Variants in IRS2 observed in about 807,000 individuals in gnomAD.
IRS2 encodes the protein insulin receptor substrate 2.
In IRS2, 28 loss-of-function variants were observed where a neutral mutation model predicts 70.9. The observed-to-expected ratio is 0.39, with a 90% CI of 0.29 to 0.54. The LOEUF (loss-of-function observed/expected upper bound fraction) is 0.54, where lower values mean the gene tolerates loss of function less well. Ranked by LOEUF, IRS2 falls within the 20% of genes least tolerant of loss-of-function variation. The pLI, the probability that IRS2 is intolerant of heterozygous loss-of-function variation, is 0.59. For missense variants in IRS2, 2,081 were observed against 2,024.1 expected (o/e 1.03, Z -0.54); for synonymous variants, 1,217 against 981.9 (o/e 1.24, Z -4.48).
At chr13:109,762,894 G>C (rs1877257047) in intron 1 of IRS2, among the ~76,000 whole-genome samples, 1 of 152,198 alleles carries the variant, frequency 6.6e-6, no homozygotes, top group African/African-American at 2.4e-5. Flanking sequence ...GTGAGACCCA[G>C]AAGAAAAGAA....
In IRS2 at chr13:109,784,249, C is replaced by T. The variant is rs1438903340; in HGVS notation, c.1805G>A (p.Arg602Gln). ...SASLDEYTLMRATFSGSAGRL... is the reference protein window; with the variant it reads ...SASLDEYTLMQATFSGSAGRL... ...GCCCGCGCTGCCCGAGAAGGTGGCCCGCATCAGGGTGTATTCATCCAGCGA... is the reference window on the plus strand; with the variant it reads ...GCCCGCGCTGCCCGAGAAGGTGGCCTGCATCAGGGTGTATTCATCCAGCGA... Residue 602 changes from arginine (R) to glutamine (Q), a missense_variant, in exon 1 of 2, where the codon CGG becomes CAG. This residue lies in a region of IRS2 where 1,615 missense variants were observed against 1,459.5 expected (regional missense o/e 1.11). Coordinates refer to ENST00000375856, the MANE Select transcript of IRS2 (RefSeq NM_003749.3). The surrounding 1 kb of genome is among the most constrained non-coding windows in gnomAD (Gnocchi z 5.2). The T allele has an allele frequency of 4.4e-6, 7 of 1,577,968 alleles. No homozygotes were observed. The highest frequency in any genetic ancestry group is 1.7e-5 in the Admixed American group (1 of 57,572).
At chr13:109,766,020 T>A (rs879065675) in intron 1 of IRS2, among the ~76,000 whole-genome samples, 4 of 31,440 alleles carry the variant, frequency 1.3e-4, no homozygotes, top group Non-Finnish European at 2.7e-4. Context: ...CCCAGCCTCA[T>A]CCACCCTGGC....
intron 1 of IRS2, among the ~76,000 whole-genome samples, chr13:109,767,677 G>A (rs1354428399): frequency 2.6e-5 from 4 of 151,236 alleles, no homozygotes; most frequent in Admixed American, 6.6e-5. Flanking sequence ...TCTTCCCAGA[G>A]AGCATCACGC....
intron 1 of IRS2, among the ~76,000 whole-genome samples, chr13:109,762,236 G>A (rs1877243059): frequency 6.6e-6 from 1 of 152,248 alleles, no homozygotes; most frequent in African/African-American, 2.4e-5. Flanking sequence ...TGCCCCTGCA[G>A]CAGCCGCCAA....
intron 1 of IRS2, among the ~76,000 whole-genome samples, chr13:109,767,498 G>C (rs1017581185): frequency 2.6e-5 from 4 of 152,092 alleles, no homozygotes; most frequent in Non-Finnish European, 5.9e-5. Context: ...ACATTTCCTG[G>C]TTTCCCAAGG....
At chr13:109,773,795 G>A (rs949656130) in intron 1 of IRS2, among the ~76,000 whole-genome samples, 3 of 152,174 alleles carry the variant, frequency 2.0e-5, no homozygotes, top group South Asian at 2.1e-4. Flanking sequence ...ATGTTCCAAA[G>A]TAAAAAGACT....
chr13:109,782,280 C>A lies in IRS2; in HGVS notation c.3774G>T (p.Val1258=), dbSNP rs375156708. Residue 1258 remains valine (V), a synonymous_variant, in exon 1 of 2, where the codon GTG becomes GTT. Coordinates refer to ENST00000375856, the MANE Select transcript of IRS2 (RefSeq NM_003749.3). ...QNGLNYIAID[V]REEPGLPPQP... is the part of the protein sequence containing the mutation. ...GGGGTGGCAGCCCGGGCTCCTCCCT[C>A]ACGTCGATGGCGATGTAGTTGAGAC... is the stretch of plus-strand genomic sequence containing the variant. 21 of 1,611,120 alleles carry A rather than the reference C, an allele frequency of 1.3e-5. No individual in the cohort carries two copies. In the African/African-American group the frequency reaches 2.5e-4, roughly 19 times the overall value.
intron 1 of IRS2, among the ~76,000 whole-genome samples, chr13:109,764,855 T>C (rs756619560): frequency 1.3e-5 from 2 of 152,192 alleles, no homozygotes; most frequent in African/African-American, 4.8e-5. Flanking sequence ...TAAAATAAAA[T>C]GAACAAACTT....
chr13:109,763,299 A>C (rs189848329), intron 1 of IRS2, among the ~76,000 whole-genome samples: 14 of 152,352 alleles, frequency 9.2e-5, no homozygotes, highest in Admixed American at 9.1e-4. Context: ...CGTACTTTAG[A>C]AATGCAATAC....
intron 1 of IRS2, among the ~76,000 whole-genome samples, chr13:109,764,815 G>A (rs995435373): frequency 3.3e-5 from 5 of 152,206 alleles, no homozygotes; most frequent in Admixed American, 6.5e-5. Flanking sequence ...AACAACTGCC[G>A]AATGCACAAA....
At position 109,784,479 on chromosome 13, in the gene IRS2, C is replaced by T. The variant is rs771084630; in HGVS notation, c.1575G>A (p.Ala525=). The change falls in exon 1 of 2, where the codon GCG becomes GCA. Residue 525 remains alanine, a synonymous_variant. Transcript: ENST00000375856. This position sits in a 1 kb window ranked among gnomAD's most constrained non-coding sequence, Gnocchi z 5.2. ...SHRSNTPESI[A]ETPPARDGGG... The stretch of plus-strand genomic sequence containing the variant: ...CGCCGTCTCGGGCCGGGGGCGTCTC[C>T]GCGATGGACTCGGGCGTGTTGCTTC... 6.3e-7 allele frequency: 1 copy of T among 1,577,442 alleles called. No homozygotes were observed. Among genetic ancestry groups the T allele is most frequent in the Non-Finnish European group, 8.6e-7 (1 of 1,159,410 alleles).
Position 109,785,034 on chromosome 13 carries a change from G to C in IRS2, c.1020C>G (p.Arg340=). The C allele has an allele frequency of 6.6e-7, 1 of 1,511,334 alleles. No individual in the cohort carries two copies. The highest frequency in any genetic ancestry group is 8.8e-7 in the Non-Finnish European group (1 of 1,130,258). The allele number at this position is 1,511,334 out of a possible 1,614,324, so 93.6% of individuals were successfully genotyped here. A position where few individuals can be genotyped will look rare whatever the true frequency, so the allele number is the denominator to read the frequency against. ...NLPPSQTGLV[R]RSRTDSLAAT... is the part of the protein sequence containing the mutation. ...CGGCCAGGCTGTCGGTGCGCGAGCG[G>C]CGCACCAGGCCCGTCTGGCTGGGGG... Residue 340 remains arginine (R), a synonymous_variant, in exon 1 of 2, where the codon CGC becomes CGG. Transcript: ENST00000375856. This position sits in a 1 kb window ranked among gnomAD's most constrained non-coding sequence, Gnocchi z 9.3.
intron 1 of IRS2, among the ~76,000 whole-genome samples, chr13:109,760,814 AT>A (rs2138911907): frequency 6.6e-6 from 1 of 152,382 alleles, no homozygotes; most frequent in South Asian, 2.1e-4. Flanking sequence ...AAACATTGTG[AT>A]TAAGACAAGG....
At chr13:109,780,417 A>G (rs575504408) in intron 1 of IRS2, among the ~76,000 whole-genome samples, 7 of 152,240 alleles carry the variant, frequency 4.6e-5, no homozygotes, top group Non-Finnish European at 8.8e-5. Flanking sequence ...CACAGGATAC[A>G]TTCTGGCGAC....
rs2138930619 is a variant in IRS2 at position 109,782,761 on chromosome 13, A to C, written c.3293T>G (p.Val1098Gly). The change falls in exon 1 of 2, where the codon GTG becomes GGG. Residue 1098 changes from valine to glycine, a missense_variant. Transcript: ENST00000375856. ...AAPPKPEAAR[V>G]ASPTSGVKRL... ...CTTCACGCCCGACGTCGGGCTGGCC[A>C]CGCGGGCAGCTTCTGGCTTCGGGGG... 1.9e-6 allele frequency: 3 copies of C among 1,602,024 alleles called. No homozygotes were observed. In the South Asian group the frequency reaches 3.4e-5, roughly 18 times the overall value.
intron 1 of IRS2, among the ~76,000 whole-genome samples, chr13:109,777,605 G>C (rs147894663): frequency 3.3e-5 from 5 of 152,208 alleles, no homozygotes; most frequent in Non-Finnish European, 5.9e-5. Flanking sequence ...CGACCCCAAA[G>C]AATGAACCCC....
chr13:109,783,456 C>T lies in IRS2; in HGVS notation c.2598G>A (p.Val866=). The T allele has an allele frequency of 6.5e-7, 1 of 1,537,926 alleles. No individual in the cohort carries two copies. Among genetic ancestry groups the T allele is most frequent in the Non-Finnish European group, 8.7e-7 (1 of 1,145,286 alleles). Residue 866 remains valine (V), a synonymous_variant, in exon 1 of 2, where the codon GTG becomes GTA. Coordinates refer to ENST00000375856, the MANE Select transcript of IRS2 (RefSeq NM_003749.3). ...CGCCGCTAGGCCGCACGGGCGAAGGCACTACAGGGTGAGGGGGCTGCGTGG... is the reference window on the plus strand; with the variant it reads ...CGCCGCTAGGCCGCACGGGCGAAGGTACTACAGGGTGAGGGGGCTGCGTGG... The part of the protein sequence containing the change: ...AGPTQPPHPV[V]PSPVRPSGGR...
rs1413208707 is a variant in IRS2 at position 109,784,807 on chromosome 13, A to G, written c.1247T>C (p.Val416Ala). Residue 416 changes from valine (V) to alanine (A), a missense_variant, in exon 1 of 2, where the codon GTG becomes GCG. Physicochemically the swap from Val to Ala is moderately conservative, Grantham distance 64. Coordinates refer to ENST00000375856, the MANE Select transcript of IRS2 (RefSeq NM_003749.3). This position sits in a 1 kb window ranked among gnomAD's most constrained non-coding sequence, Gnocchi z 5.2. ...CGCGCCCCCTGCCGGCAGCAGCGCC[A>G]CCTTGCTCCCGCGGCCGCCGCAGCC... The part of the protein sequence containing the change: ...SGGCGGRGSK[V>A]ALLPAGGALQ... 3.9e-6 allele frequency: 5 copies of G among 1,274,166 alleles called. No individual in the cohort carries two copies. Among genetic ancestry groups the G allele is most frequent in the Non-Finnish European group, 5.0e-6 (5 of 1,003,606 alleles). 78.9% of individuals were successfully genotyped at this position (1,274,166 alleles called of 1,614,324 possible). A position where few individuals can be genotyped will look rare whatever the true frequency, so the allele number is the denominator to read the frequency against.
chr13:109,785,093 C>G lies in IRS2; in HGVS notation c.961G>C (p.Gly321Arg). The G allele has an allele frequency of 6.3e-7, 1 of 1,584,210 alleles. No individual in the cohort carries two copies. The highest frequency in any genetic ancestry group is 8.6e-7 in the Non-Finnish European group (1 of 1,166,354). Residue 321 changes from glycine (G) to arginine (R), a missense_variant, in exon 1 of 2, where the codon GGC becomes CGC. Around this residue, in one of 4 missense-constraint regions of IRS2, gnomAD observed 111 missense variants for 133.1 expected, o/e 0.83. Transcript: ENST00000375856. This position sits in a 1 kb window ranked among gnomAD's most constrained non-coding sequence, Gnocchi z 9.3. ...SSATHPISVP[G>R]ARRHHHLVNL... ...ACCAGGTGGTGGTGGCGGCGCGCGC[C>G]GGGGACGCTGATGGGGTGCGTGGCC...
Sources: gnomAD v4.1 joint callset for allele counts (sites outside exome capture counted in the v4.1 genomes callset) on GRCh38, gnomAD v4.1.1 for gene constraint, gnomAD v4.1.1 regional missense constraint, Gnocchi (gnomAD v3.1) non-coding constraint, MANE v1.5 for transcripts, NCBI Gene and HGNC (gene_info 2026-07-23, HGNC 2026-07-21) for gene names.